The following OSBPL11 variants were observed in gnomAD, a reference collection of about 807,000 sequenced individuals.
OSBPL11 encodes oxysterol binding protein like 11, also known as oxysterol-binding protein-related protein 11.
Under a neutral mutation model 84.4 loss-of-function variants are expected in OSBPL11, and 33 were observed. That is an observed-to-expected ratio of 0.39 (90% confidence interval 0.30 to 0.52). The LOEUF (loss-of-function observed/expected upper bound fraction) is 0.52. OSBPL11 is among the 20% of genes least tolerant of loss of function. The pLI is 0.72. For synonymous variants in OSBPL11, 276 were observed against 310.2 expected (o/e 0.89, Z 1.16); for missense variants, 736 against 901.1 (o/e 0.82, Z 2.35).
Position 125,594,696 on chromosome 3 carries a change from T to A in OSBPL11, c.105A>T (p.Gly35=). ...TGCTGCTGCTGCTACTGATTCCACC[T>A]CCACAGCTGCTGTTCTTGTTCGGGG... ...AVTPNKNSSC[G]GGISSSSSSR... The change falls in exon 1 of 13, where the codon GGA becomes GGT. Residue 35 remains glycine (G), a synonymous_variant. Coordinates refer to ENST00000296220, the MANE Select transcript of OSBPL11 (RefSeq NM_022776.5). 1 of 1,614,174 alleles carries A rather than the reference T, an allele frequency of 6.2e-7. No individual in the cohort carries two copies. The highest frequency in any genetic ancestry group is 8.5e-7 in the Non-Finnish European group (1 of 1,180,040).
intron 10 of OSBPL11, among the ~76,000 whole-genome samples, chr3:125,545,336 C>G (rs1420912899): frequency 1.3e-5 from 2 of 152,152 alleles, no homozygotes; most frequent in African/African-American, 4.8e-5. Context: ...TCTTTATTTG[C>G]TTTAACAGAT....
At chr3:125,550,406 CAACA>C (rs1405631205) in intron 9 of OSBPL11, among the ~76,000 whole-genome samples, 11 of 108,616 alleles carry the variant, frequency 1.0e-4, no homozygotes, top group Admixed American at 1.9e-4. Flanking sequence ...CACACACACA[CAACA>C]AACAAAAAAA....
intron 5 of OSBPL11, among the ~76,000 whole-genome samples, chr3:125,573,521 T>C (rs1448445784): frequency 1.3e-5 from 2 of 152,110 alleles, no homozygotes; most frequent in Non-Finnish European, 2.9e-5. Flanking sequence ...AGTAAAGCTT[T>C]TGTAATAAAT....
At chr3:125,572,048 G>A (rs149555913) in intron 5 of OSBPL11, among the ~76,000 whole-genome samples, 2 of 152,230 alleles carry the variant, frequency 1.3e-5, no homozygotes, top group Non-Finnish European at 2.9e-5. Flanking sequence ...GCAAAGCCAC[G>A]GGGCGGAGCT....
chr3:125,540,704 G>A (rs1264986779), intron 10 of OSBPL11, among the ~76,000 whole-genome samples: 4 of 152,094 alleles, frequency 2.6e-5, no homozygotes, highest in African/African-American at 4.8e-5. Flanking sequence ...CTACCATAGC[G>A]CATCTCTCAA....
chr3:125,565,702 T>C (rs1370812430), intron 6 of OSBPL11, among the ~76,000 whole-genome samples: 3 of 152,208 alleles, frequency 2.0e-5, no homozygotes, highest in Non-Finnish European at 4.4e-5. Context: ...TATGTTGCTT[T>C]GTAAGAAGAG....
chr3:125,561,690 T>C (rs1470469905), intron 7 of OSBPL11, among the ~76,000 whole-genome samples: 1 of 152,240 alleles, frequency 6.6e-6, no homozygotes, highest in Non-Finnish European at 1.5e-5. Flanking sequence ...ATTATTTTTA[T>C]GTTATTTGGA....
intron 8 of OSBPL11, among the ~76,000 whole-genome samples, chr3:125,555,070 A>G (rs1236796242): frequency 6.6e-6 from 1 of 152,168 alleles, no homozygotes; most frequent in Admixed American, 6.5e-5. Context: ...CCTACCCTCA[A>G]TCTGTGTGGG....
intron 3 of OSBPL11, 47 bp from the exon 4 acceptor site, chr3:125,579,086 C>A: frequency 7.5e-7 from 1 of 1,336,976 alleles, no homozygotes; most frequent in Non-Finnish European, 1.0e-6. Context: ...TATTCTGGAA[C>A]ACAATTAATT....
At chr3:125,539,764 T>C (rs536673464) in intron 10 of OSBPL11, among the ~76,000 whole-genome samples, 1 of 152,166 alleles carries the variant, frequency 6.6e-6, no homozygotes, top group African/African-American at 2.4e-5. Context: ...TTATTTTTAG[T>C]GAGGTATTTT....
At chr3:125,585,450 A>G (rs1025486100) in intron 1 of OSBPL11, among the ~76,000 whole-genome samples, 4 of 151,928 alleles carry the variant, frequency 2.6e-5, no homozygotes, top group African/African-American at 7.3e-5. Context: ...GTGTATCTTC[A>G]TATTTCACAT....
At chr3:125,583,537 C>T (rs1936460051) in intron 1 of OSBPL11, among the ~76,000 whole-genome samples, 1 of 139,924 alleles carries the variant, frequency 7.1e-6, no homozygotes, top group South Asian at 2.3e-4. Flanking sequence ...GCTGAGATCT[C>T]ACCACTGCAC....
chr3:125,537,159 CAAAA>C (rs574427912), intron 11 of OSBPL11, among the ~76,000 whole-genome samples: 2 of 88,228 alleles, frequency 2.3e-5, no homozygotes, highest in Non-Finnish European at 4.7e-5. Flanking sequence ...GACCCTGTCT[CAAAA>C]AAAAAAAAAA....
At chr3:125,555,320 C>T (rs1935978107) in intron 8 of OSBPL11, among the ~76,000 whole-genome samples, 1 of 152,192 alleles carries the variant, frequency 6.6e-6, no homozygotes, top group Non-Finnish European at 1.5e-5. Flanking sequence ...CCTCAGCTTG[C>T]AGATGGCCTA....
intron 11 of OSBPL11, among the ~76,000 whole-genome samples, chr3:125,535,742 T>C (rs1279851847): frequency 6.6e-6 from 1 of 151,422 alleles, no homozygotes; most frequent in Non-Finnish European, 1.5e-5. Context: ...TCCAACATGC[T>C]GGGATTATAG....
chr3:125,530,714 G>C (rs979026537), intron 12 of OSBPL11, 134 bp from the exon 13 acceptor site: 6 of 730,030 alleles, frequency 8.2e-6, no homozygotes, highest in Non-Finnish European at 1.4e-5. Flanking sequence ...AAGGAATAAA[G>C]TCTTTGTGAT....
Position 125,528,990 on chromosome 3 carries a change from A to G in OSBPL11, c.*1525T>C, listed in dbSNP as rs766032303. The G allele has an allele frequency of 3.3e-5, 5 of 152,666 alleles. No homozygotes were observed. The highest frequency in any genetic ancestry group is 7.3e-5 in the Non-Finnish European group (5 of 68,046). 9.5% of individuals were successfully genotyped at this position (152,666 alleles called of 1,614,324 possible). On this transcript the variant is annotated 3_prime_UTR_variant, in exon 13 of 13. Transcript: ENST00000296220. Reference sequence around the variant, plus strand: ...TCATTAAAATTGTTGTACACAAACCAACTCTTTTTCTTATAATTTACAATT... The same window carrying G: ...TCATTAAAATTGTTGTACACAAACCGACTCTTTTTCTTATAATTTACAATT...
At chr3:125,540,452 C>A (rs1477647102) in intron 10 of OSBPL11, among the ~76,000 whole-genome samples, 7 of 151,654 alleles carry the variant, frequency 4.6e-5, no homozygotes, top group African/African-American at 7.3e-5. Flanking sequence ...TGGGTTATGC[C>A]TCAAAGCATA....
At chr3:125,542,952 T>C (rs1281296711) in intron 10 of OSBPL11, among the ~76,000 whole-genome samples, 3 of 150,486 alleles carry the variant, frequency 2.0e-5, no homozygotes, top group Admixed American at 2.0e-4. Context: ...GCGAAAGTGA[T>C]TCTTAATCTT....
Sources: gnomAD v4.1 joint callset for allele counts (sites outside exome capture counted in the v4.1 genomes callset) on GRCh38, gnomAD v4.1.1 for gene constraint, MANE v1.5 for transcripts, NCBI Gene and HGNC (gene_info 2026-07-23, HGNC 2026-07-21) for gene names.